The following RIC8B variants were observed in gnomAD, a reference collection of about 807,000 sequenced individuals.
RIC8B encodes chaperone Ric-8B.
Under a neutral mutation model 57.5 loss-of-function variants are expected in RIC8B, and 16 were observed. The observed-to-expected ratio is 0.28, with a 90% CI of 0.19 to 0.42. The LOEUF (loss-of-function observed/expected upper bound fraction) is 0.42. Among genes scored for constraint, RIC8B ranks in the 10% least tolerant of loss-of-function variants. The pLI is 1.00. For synonymous variants in RIC8B, 216 were observed against 250.8 expected (o/e 0.86, Z 1.31); for missense variants, 481 against 677.0 (o/e 0.71, Z 3.21).
intron 2 of RIC8B, among the ~76,000 whole-genome samples, chr12:106,797,610 C>T (rs2044540603): frequency 6.6e-6 from 1 of 152,098 alleles, no homozygotes; most frequent in Non-Finnish European, 1.5e-5. Flanking sequence ...TAGTAAAAAC[C>T]AATGAATTGC....
intron 2 of RIC8B, among the ~76,000 whole-genome samples, chr12:106,812,056 G>GT (rs2136275964): frequency 6.6e-6 from 1 of 151,964 alleles, no homozygotes; most frequent in South Asian, 2.1e-4. Context: ...TTTTTTACGT[G>GT]TTTTTGGTTC....
chr12:106,845,020 T>C (rs1949122272), intron 6 of RIC8B, among the ~76,000 whole-genome samples: 1 of 152,200 alleles, frequency 6.6e-6, no homozygotes, highest in Non-Finnish European at 1.5e-5. Flanking sequence ...TCTGTCATTT[T>C]TTCCCACTGT....
chr12:106,791,488 G>A (rs561118677), intron 2 of RIC8B, among the ~76,000 whole-genome samples: 8 of 152,108 alleles, frequency 5.3e-5, no homozygotes, highest in Non-Finnish European at 1.2e-4. Context: ...TTTTGGGAGA[G>A]CATAAAAAAC....
At chr12:106,799,239 A>G (rs1157497501) in intron 2 of RIC8B, among the ~76,000 whole-genome samples, 1 of 152,228 alleles carries the variant, frequency 6.6e-6, no homozygotes, top group African/African-American at 2.4e-5. Context: ...AAATATTTCT[A>G]GCAATATTTT....
At chr12:106,872,603 G>C (rs1183372343) in intron 9 of RIC8B, among the ~76,000 whole-genome samples, 1 of 151,296 alleles carries the variant, frequency 6.6e-6, no homozygotes, top group Non-Finnish European at 1.5e-5. Context: ...GGGAGGCGGA[G>C]GTTGCGGTGA....
chr12:106,779,670 CA>C (rs1162096787), intron 1 of RIC8B, among the ~76,000 whole-genome samples: 1 of 143,264 alleles, frequency 7.0e-6, no homozygotes. Context: ...CACAGACACA[CA>C]CAAAAAAAAA....
chr12:106,798,626 A>C (rs753449025), intron 2 of RIC8B, among the ~76,000 whole-genome samples: 2 of 149,868 alleles, frequency 1.3e-5, no homozygotes, highest in South Asian at 4.2e-4. Context: ...TTTTTTTTTT[A>C]GATAGCTGTA....
At chr12:106,793,416 G>T (rs2044343305) in intron 2 of RIC8B, among the ~76,000 whole-genome samples, 1 of 152,230 alleles carries the variant, frequency 6.6e-6, no homozygotes, top group African/African-American at 2.4e-5. Context: ...GGTGCAGGTT[G>T]TGATGAAAGG....
At chr12:106,837,410 A>C (rs73200067) in intron 4 of RIC8B, among the ~76,000 whole-genome samples, 10,176 of 152,028 alleles carry the variant, frequency 0.067, 537 homozygotes, top group African/African-American at 0.14. Context: ...CTCATGGGTT[A>C]TTCCCCCAGA....
intron 1 of RIC8B, among the ~76,000 whole-genome samples, chr12:106,780,421 A>G (rs2043713747): frequency 6.6e-6 from 1 of 152,232 alleles, no homozygotes; most frequent in Non-Finnish European, 1.5e-5. Context: ...GTCTTCATTC[A>G]TGTGCTAGAA....
chr12:106,824,919 G>A (rs1235340894), intron 3 of RIC8B, among the ~76,000 whole-genome samples: 1 of 151,378 alleles, frequency 6.6e-6, no homozygotes, highest in Non-Finnish European at 1.5e-5. Flanking sequence ...AAAAAAAAAA[G>A]AAAAAAGTTT....
chr12:106,839,568 GATACA>G (rs2046772938), intron 4 of RIC8B, among the ~76,000 whole-genome samples: 1 of 152,168 alleles, frequency 6.6e-6, no homozygotes, highest in African/African-American at 2.4e-5. Flanking sequence ...TCAGTCAAAA[GATACA>G]AAGTTTTAGT....
At chr12:106,842,425 T>C (rs1190986462) in intron 4 of RIC8B, among the ~76,000 whole-genome samples, 164 bp from the exon 5 acceptor site, 1 of 152,234 alleles carries the variant, frequency 6.6e-6, no homozygotes, top group African/African-American at 2.4e-5. Flanking sequence ...CAGTTTTTTA[T>C]TTCCTATCTC....
At chr12:106,798,684 G>A (rs1255551300) in intron 2 of RIC8B, among the ~76,000 whole-genome samples, 1 of 151,652 alleles carries the variant, frequency 6.6e-6, no homozygotes, top group Non-Finnish European at 1.5e-5. Context: ...TGCTTTGCTT[G>A]TCCTAGTTTA....
rs144299518 is a variant in RIC8B, at chr12:106,798,317, T to A, written c.132+14273T>A. On this transcript the variant is annotated intron_variant, in intron 2 of 9. Coordinates refer to ENST00000392837, the MANE Select transcript of RIC8B (RefSeq NM_001330145.2). Reference sequence around the variant, plus strand: ...TCATAGGGACCTGAAAGTTCTTGGCTGACCAGATGTTTCCACGTTCTCAAC... The same window carrying A: ...TCATAGGGACCTGAAAGTTCTTGGCAGACCAGATGTTTCCACGTTCTCAAC... 2.1e-4 allele frequency among the ~76,000 whole-genome samples: 32 copies of A among 152,334 alleles called. No individual in the cohort carries two copies. The East Asian group carries it at 6.2e-3, about 29-fold the overall frequency.
intron 3 of RIC8B, among the ~76,000 whole-genome samples, chr12:106,823,773 C>T (rs948874838): frequency 3.3e-5 from 5 of 151,928 alleles, no homozygotes; most frequent in Non-Finnish European, 7.4e-5. Context: ...CAACCTCCGC[C>T]TCCTGGGTTC....
intron 4 of RIC8B, among the ~76,000 whole-genome samples, chr12:106,834,870 G>C (rs1425970623): frequency 6.6e-6 from 1 of 150,794 alleles, no homozygotes; most frequent in Non-Finnish European, 1.5e-5. Context: ...TGTAGTCCCA[G>C]GTACTTGGGA....
chr12:106,839,682 G>A (rs575541655), intron 4 of RIC8B, among the ~76,000 whole-genome samples: 5 of 152,302 alleles, frequency 3.3e-5, no homozygotes, highest in South Asian at 2.1e-4. Context: ...TAGGTCTTAC[G>A]TTAAGTGCTC....
intron 9 of RIC8B, among the ~76,000 whole-genome samples, chr12:106,878,830 C>CT (rs1788725773): frequency 2.0e-5 from 3 of 151,908 alleles, no homozygotes; most frequent in Admixed American, 2.0e-4. Context: ...ATGTTCCCCC[C>CT]CCCTTTTCTT....
Sources: allele counts gnomAD v4.1 joint callset (sites outside exome capture counted in the v4.1 genomes callset), GRCh38; gene constraint gnomAD v4.1.1; transcripts MANE v1.5; gene names NCBI Gene and HGNC (gene_info 2026-07-23, HGNC 2026-07-21).